Variants in ZNF408 observed in about 807,000 individuals in gnomAD.
ZNF408 encodes PR domain zinc finger protein 17.
Under a neutral mutation model 27.6 loss-of-function variants are expected in ZNF408, and 24 were observed. That is an observed-to-expected ratio of 0.87 (90% CI 0.63 to 1.22). The LOEUF is 1.22. ZNF408 is among the 50% of genes most tolerant of loss of function. ZNF408 has a pLI of 0.00. For missense variants in ZNF408, 897 were observed against 949.0 expected (o/e 0.95, Z 0.72); for synonymous variants, 410 against 396.1 (o/e 1.04, Z -0.42).
chr11:46,702,309 G>A (rs2064715358), intron 2 of ZNF408, among the ~76,000 whole-genome samples: 1 of 152,164 alleles, frequency 6.6e-6, no homozygotes, highest in African/African-American at 2.4e-5. Context: ...TGGTGAGGCT[G>A]GTCTCAAACT....
In ZNF408 at chr11:46,705,426, G is replaced by A. The variant is rs758632792; in HGVS notation, c.1726G>A (p.Glu576Lys). 16 of 1,608,106 alleles carry A rather than the reference G, an allele frequency of 9.9e-6. No individual in the cohort carries two copies. The Admixed American group carries it at 1.5e-4, about 15-fold the overall frequency. ...AGCTCACGAGCGCCTGCACTCCGGA[G>A]AGAGGCCCTTTCCCTGTCCCCAGTG... is the stretch of plus-strand genomic sequence containing the variant. ...LRAHERLHSG[E>K]RPFPCPQCGR... The change falls in exon 5 of 5, where the codon GAG (glutamate) becomes AAG (lysine). Residue 576 changes from glutamate (E) to lysine (K), a missense_variant. Physicochemically the swap from Glu to Lys is moderately conservative, Grantham distance 56. Coordinates refer to ENST00000311764, the MANE Select transcript of ZNF408 (RefSeq NM_024741.3). The surrounding 1 kb of genome is among the most constrained non-coding windows in gnomAD (Gnocchi z 6.5).
chr11:46,701,725 G>T, intron 2 of ZNF408, 49 bp downstream of exon 2: 1 of 1,475,014 alleles, frequency 6.8e-7, no homozygotes, highest in Non-Finnish European at 9.0e-7. Context: ...ATGTAGGGGA[G>T]GTTTGGACAT....
rs750447937 is a variant in ZNF408 at position 46,705,042 on chromosome 11, C to T, written c.1342C>T (p.Arg448Cys). The T allele has an allele frequency of 1.2e-5, 19 of 1,612,954 alleles. No individual in the cohort carries two copies. Among genetic ancestry groups the T allele is most frequent in the Admixed American group, 1.2e-4 (7 of 59,990 alleles). The change falls in exon 5 of 5, where the codon CGC becomes TGC. Residue 448 changes from arginine to cysteine, a missense_variant. Arg to Cys is a radical substitution (Grantham distance 180, BLOSUM62 -3). Coordinates refer to ENST00000311764, the MANE Select transcript of ZNF408 (RefSeq NM_024741.3). This position sits in a 1 kb window ranked among gnomAD's most constrained non-coding sequence, Gnocchi z 6.5. Reference sequence around the variant, plus strand: ...TGACCAGTGTGGCAAGGCCTTTGCCCGCCGGCCCTCCCTGCGGCTGCATCG... The same window carrying T: ...TGACCAGTGTGGCAAGGCCTTTGCCTGCCGGCCCTCCCTGCGGCTGCATCG... ...ACDQCGKAFA[R>C]RPSLRLHRKT...
rs1221101318 is a variant in ZNF408 at position 46,704,371 on chromosome 11, C to T, written c.671C>T (p.Pro224Leu). ...EPCIDPGSQS[P>L]SGIQAENMVS... ...CTTGCAGATCCTGGTTCCCAGTCAC[C>T]CTCTGGCATCCAGGCAGAGAATATG... The change falls in exon 5 of 5, where the codon CCC becomes CTC. Residue 224 changes from proline (P) to leucine (L), a missense_variant. Physicochemically the swap from Pro to Leu is moderately conservative, Grantham distance 98. Coordinates refer to ENST00000311764, the MANE Select transcript of ZNF408 (RefSeq NM_024741.3). 1.3e-6 allele frequency: 2 copies of T among 1,596,814 alleles called. No homozygotes were observed. The highest frequency in any genetic ancestry group is 3.4e-5 in the Admixed American group (2 of 58,572).
At chr11:46,702,339 C>T (rs764844477) in intron 2 of ZNF408, among the ~76,000 whole-genome samples, 17 of 152,240 alleles carry the variant, frequency 1.1e-4, no homozygotes, top group Non-Finnish European at 1.9e-4. Flanking sequence ...AAGTAATCCG[C>T]CTGCCTGGGC....
Position 46,705,538 on chromosome 11 carries a change from G to A in ZNF408, c.1838G>A (p.Gly613Asp). 1 of 1,604,930 alleles carries A rather than the reference G, an allele frequency of 6.2e-7. No individual in the cohort carries two copies. The part of the protein sequence containing the change: ...EDKPYRCPTC[G>D]MGYTLPQSLR... ...AAGCCCTACCGCTGCCCCACCTGTG[G>A]CATGGGCTACACCCTCCCGCAGAGC... The change falls in exon 5 of 5, where the codon GGC becomes GAC. Residue 613 changes from glycine to aspartate, a missense_variant. Physicochemically the swap from Gly to Asp is moderately conservative, Grantham distance 94. Transcript: ENST00000311764. The surrounding 1 kb of genome is among the most constrained non-coding windows in gnomAD (Gnocchi z 6.5).
chr11:46,703,174 A>G lies in ZNF408; in HGVS notation c.583A>G (p.Thr195Ala), dbSNP rs77373752. 21 of 1,155,890 alleles carry G rather than the reference A, an allele frequency of 1.8e-5. No homozygotes were observed. In the African/African-American group the frequency reaches 2.8e-4, roughly 16 times the overall value. 71.6% of individuals were successfully genotyped at this position (1,155,890 alleles called of 1,614,324 possible). Residue 195 changes from threonine to alanine, a missense_variant, in exon 4 of 5, where the codon ACA (threonine) becomes GCA (alanine). Transcript: ENST00000311764. ...CAAAGAGGCAGCTGTAGCAGTGGTG[A>G]CAGAAGTGGAGTCTGCTGTACAGCA... ...LDKEAAVAVV[T>A]EVESAVQQEV...
chr11:46,705,341 C>T lies in ZNF408; in HGVS notation c.1641C>T (p.Thr547=), dbSNP rs746053062. Residue 547 remains threonine, a synonymous_variant, in exon 5 of 5, where the codon ACC becomes ACT. Transcript: ENST00000311764. The surrounding 1 kb of genome is among the most constrained non-coding windows in gnomAD (Gnocchi z 6.5). ...PELRRHLISH[T]GEAHLCPVCG... is the part of the protein sequence containing the mutation. Reference sequence around the variant, plus strand: ...TGCGGCGCCATCTCATCTCACACACCGGGGAGGCCCACTTGTGCCCGGTGT... The same window carrying T: ...TGCGGCGCCATCTCATCTCACACACTGGGGAGGCCCACTTGTGCCCGGTGT... 19 of 1,610,992 alleles carry T rather than the reference C, an allele frequency of 1.2e-5. No homozygotes were observed. The highest frequency in any genetic ancestry group is 2.7e-5 in the African/African-American group (2 of 74,802).
At chr11:46,701,309 G>A in intron 1 of ZNF408, 90 bp from the exon 2 acceptor site, 3 of 1,576,412 alleles carry the variant, frequency 1.9e-6, no homozygotes, top group Middle Eastern at 3.8e-4. Context: ...GGCTCCGCAG[G>A]CCCACCTGGA....
In ZNF408 at chr11:46,705,510, G is replaced by T. The variant is rs767021477; in HGVS notation, c.1810G>T (p.Asp604Tyr). Reference protein sequence around the residue: ...LRRHLKSHLEDKPYRCPTCGM... With the variant: ...LRRHLKSHLEYKPYRCPTCGM... The stretch of plus-strand genomic sequence containing the variant: ...GCGCCACCTCAAATCTCACTTGGAG[G>T]ACAAGCCCTACCGCTGCCCCACCTG... Residue 604 changes from aspartate to tyrosine, a missense_variant, in exon 5 of 5, where the codon GAC (aspartate) becomes TAC (tyrosine). Transcript: ENST00000311764. This position sits in a 1 kb window ranked among gnomAD's most constrained non-coding sequence, Gnocchi z 6.5. 3.7e-6 allele frequency: 6 copies of T among 1,605,158 alleles called. No individual in the cohort carries two copies. Among genetic ancestry groups the T allele is most frequent in the East Asian group, 4.5e-5 (2 of 44,880 alleles).
chr11:46,703,751 T>G (rs1565694583), intron 4 of ZNF408, among the ~76,000 whole-genome samples: 4 of 133,208 alleles, frequency 3.0e-5, no homozygotes, highest in Admixed American at 7.8e-5. Context: ...GTTTTGTTGT[T>G]GTTGTTGTTG....
At position 46,705,494 on chromosome 11, in the gene ZNF408, C is replaced by G. The variant is rs1245439329; in HGVS notation, c.1794C>G (p.Leu598=). Residue 598 remains leucine (L), a synonymous_variant, in exon 5 of 5, where the codon CTC becomes CTG. Transcript: ENST00000311764. This position sits in a 1 kb window ranked among gnomAD's most constrained non-coding sequence, Gnocchi z 6.5. ...TGGCCACCAAGCTGCGGCGCCACCT[C>G]AAATCTCACTTGGAGGACAAGCCCT... ...YTLATKLRRH[L]KSHLEDKPYR... 3 of 1,606,034 alleles carry G rather than the reference C, an allele frequency of 1.9e-6. No individual in the cohort carries two copies. Among genetic ancestry groups the G allele is most frequent in the South Asian group, 1.1e-5 (1 of 91,080 alleles).
chr11:46,705,239 G>T lies in ZNF408; in HGVS notation c.1539G>T (p.Gly513=), dbSNP rs2064742834. 5.0e-6 allele frequency: 8 copies of T among 1,611,886 alleles called. No homozygotes were observed. The highest frequency in any genetic ancestry group is 5.1e-6 in the Non-Finnish European group (6 of 1,179,854). The part of the protein sequence containing the change: ...RAFRQRGNLR[G]HLRLHTGERP... ...TTCGTCAGCGGGGCAACCTGCGTGG[G>T]CATTTGCGGCTCCACACCGGGGAGC... is the stretch of plus-strand genomic sequence containing the variant. The change falls in exon 5 of 5, where the codon GGG becomes GGT. Residue 513 remains glycine, a synonymous_variant. Coordinates refer to ENST00000311764, the MANE Select transcript of ZNF408 (RefSeq NM_024741.3). The surrounding 1 kb of genome is among the most constrained non-coding windows in gnomAD (Gnocchi z 6.5).
At chr11:46,703,607 C>T (rs1288827012) in intron 4 of ZNF408, among the ~76,000 whole-genome samples, 25 of 151,998 alleles carry the variant, frequency 1.6e-4, no homozygotes, top group Non-Finnish European at 4.4e-5. Context: ...CTAAGAGCTT[C>T]CTGGAATAGT....
chr11:46,704,466 C>T lies in ZNF408; in HGVS notation c.766C>T (p.Leu256Phe). Reference sequence around the variant, plus strand: ...GGATAGCCAGCCACTTGGCCCATTGCTTCAGGATGGCGACGTGGATGAGGA... The same window carrying T: ...GGATAGCCAGCCACTTGGCCCATTGTTTCAGGATGGCGACGTGGATGAGGA... The part of the protein sequence containing the change: ...SKDSQPLGPL[L>F]QDGDVDEECP... The change falls in exon 5 of 5, where the codon CTT (leucine) becomes TTT (phenylalanine). Residue 256 changes from leucine to phenylalanine, a missense_variant. Physicochemically the swap from Leu to Phe is conservative, Grantham distance 22 (BLOSUM62 0). Transcript: ENST00000311764. 1 of 1,614,174 alleles carries T rather than the reference C, an allele frequency of 6.2e-7. No homozygotes were observed. The highest frequency in any genetic ancestry group is 8.5e-7 in the Non-Finnish European group (1 of 1,180,042).
chr11:46,704,641 A>T lies in ZNF408; in HGVS notation c.941A>T (p.Asp314Val), dbSNP rs774737306. ...GCCAAGAAGTTACACAGCCCCAGTG[A>T]TCAGTGCCCACCCAGAGCAAAGACC... ...YLAKKLHSPS[D>V]QCPPRAKTPE... Residue 314 changes from aspartate (D) to valine (V), a missense_variant, in exon 5 of 5, where the codon GAT (aspartate) becomes GTT (valine). Asp to Val is a radical substitution (Grantham distance 152). Transcript: ENST00000311764. 6.2e-7 allele frequency: 1 copy of T among 1,613,864 alleles called. No individual in the cohort carries two copies. Among genetic ancestry groups the T allele is most frequent in the Non-Finnish European group, 8.5e-7 (1 of 1,180,010 alleles).
chr11:46,702,981 C>A lies in ZNF408; in HGVS notation c.393-3C>A, dbSNP rs773004980. The A allele has an allele frequency of 6.2e-7, 1 of 1,613,744 alleles. No homozygotes were observed. The highest frequency in any genetic ancestry group is 1.7e-5 in the Admixed American group (1 of 60,026). On this transcript the variant is annotated splice_region_variant and splice_polypyrimidine_tract_variant and intron_variant, in intron 3 of 4. Coordinates refer to ENST00000311764, the MANE Select transcript of ZNF408 (RefSeq NM_024741.3). ...CCTAGCTGGCTGTTACTTTGCTTTGCAGCTTGGTACAACGGGGCAGGCTGG... is the reference window on the plus strand; with the variant it reads ...CCTAGCTGGCTGTTACTTTGCTTTGAAGCTTGGTACAACGGGGCAGGCTGG...
chr11:46,702,599 G>GT (rs2064717711), intron 2 of ZNF408, 105 bp from the exon 3 acceptor site: 1 of 1,172,172 alleles, frequency 8.5e-7, no homozygotes, highest in African/African-American at 1.5e-5. Context: ...CCTTCCAGGA[G>GT]TTTCATCTTA....
chr11:46,705,731 C>T lies in ZNF408; in HGVS notation c.2031C>T (p.Thr677=). 6.2e-7 allele frequency: 1 copy of T among 1,612,530 alleles called. No homozygotes were observed. ...VSPARDVVEV[T]ISESQEKCFV... is the part of the protein sequence containing the mutation. ...CCGCCAGGGATGTTGTTGAGGTCAC[C>T]ATTTCAGAAAGCCAGGAGAAGTGCT... The change falls in exon 5 of 5, where the codon ACC becomes ACT. Residue 677 remains threonine, a synonymous_variant. Transcript: ENST00000311764. This position sits in a 1 kb window ranked among gnomAD's most constrained non-coding sequence, Gnocchi z 6.5.
Sources: allele counts gnomAD v4.1 joint callset (sites outside exome capture counted in the v4.1 genomes callset), GRCh38; gene constraint gnomAD v4.1.1; non-coding constraint Gnocchi (gnomAD v3.1); transcripts MANE v1.5; gene names NCBI Gene and HGNC (gene_info 2026-07-23, HGNC 2026-07-21).